LRP1: variants seen among roughly 807,000 people sequenced by gnomAD.
The protein encoded by LRP1 is prolow-density lipoprotein receptor-related protein 1.
In LRP1, 51 loss-of-function variants were observed where a neutral mutation model predicts 541.5. That is an observed-to-expected ratio of 0.09 (90% confidence interval 0.08 to 0.12). The LOEUF (loss-of-function observed/expected upper bound fraction) is 0.12. LRP1 is among the 10% of genes least tolerant of loss of function. The pLI, the probability that LRP1 is intolerant of heterozygous loss-of-function variation, is 1.00. For missense variants in LRP1, 3,878 were observed against 6,376.2 expected (o/e 0.61, Z 13.34); for synonymous variants, 2,219 against 2,470.8 (o/e 0.90, Z 3.02).
At chr12:57,136,899 G>C (rs1402521887) in intron 1 of LRP1, among the ~76,000 whole-genome samples, 1 of 152,096 alleles carries the variant, frequency 6.6e-6, no homozygotes, top group African/African-American at 2.4e-5. Context: ...ATGATACATG[G>C]AAAAAACTGC....
chr12:57,146,605 AG>A (rs1304665854), intron 6 of LRP1: 1 of 152,182 alleles, frequency 6.6e-6, no homozygotes, highest in African/African-American at 2.4e-5. Flanking sequence ...GGTGGCGAGC[AG>A]GGGTTCCTCT....
chr12:57,207,314 TAAATAAATAAAATA>T (rs1056753004), intron 76 of LRP1, among the ~76,000 whole-genome samples: 6 of 124,284 alleles, frequency 4.8e-5, no homozygotes, highest in Admixed American at 2.3e-4. Context: ...AATAAATAAA[TAAATAAATAAAATA>T]AAATAAAATA....
At chr12:57,193,400 C>T in intron 46 of LRP1, 96 bp downstream of exon 46, 1 of 1,538,992 alleles carries the variant, frequency 6.5e-7, no homozygotes, top group East Asian at 2.3e-5. Context: ...CAGGACCCAG[C>T]TTCCTGACCA....
chr12:57,199,110 C>T, intron 60 of LRP1, 102 bp from the exon 61 acceptor site: 1 of 1,060,104 alleles, frequency 9.4e-7, no homozygotes, highest in Non-Finnish European at 1.4e-6. Flanking sequence ...GGGGCTGACA[C>T]CCACCTCTCA....
rs763385476 is a variant in LRP1, at chr12:57,178,328, G to C, written c.4362-31G>C. The C allele has an allele frequency of 1.9e-6, 3 of 1,596,080 alleles. No individual in the cohort carries two copies. Among genetic ancestry groups the C allele is most frequent in the Non-Finnish European group, 2.6e-6 (3 of 1,168,696 alleles). On this transcript the variant is annotated intron_variant, in intron 26 of 88. Transcript: ENST00000243077. The surrounding 1 kb of genome is among the most constrained non-coding windows in gnomAD (Gnocchi z 5.8). ...GCTCTGAGGGCTGAGATCCCAGCTG[G>C]CATCCTCATTCTGCTCCATCATGCT... is the stretch of plus-strand genomic sequence containing the variant.
intron 20 of LRP1, among the ~76,000 whole-genome samples, chr12:57,171,195 G>C (rs1429590375): frequency 6.6e-6 from 1 of 152,198 alleles, no homozygotes; most frequent in Non-Finnish European, 1.5e-5. Flanking sequence ...CCCTGAGCCT[G>C]GGCATCCTCC....
At position 57,154,768 on chromosome 12, in the gene LRP1, A is replaced by G. The variant is rs1195737542; in HGVS notation, c.1227+67A>G. On this transcript the variant is annotated intron_variant, in intron 8 of 88. Coordinates refer to ENST00000243077, the MANE Select transcript of LRP1 (RefSeq NM_002332.3). The surrounding 1 kb of genome is among the most constrained non-coding windows in gnomAD (Gnocchi z 4.6). ...TCCAGGGCCTTCTGGTGAGGGGGGA[A>G]GCCTCTGTAGGGGAACCGTTCTCTG... 1 of 1,417,394 alleles carries G rather than the reference A, an allele frequency of 7.1e-7. No homozygotes were observed. Among genetic ancestry groups the G allele is most frequent in the South Asian group, 1.2e-5 (1 of 81,494 alleles). The allele number at this position is 1,417,394 out of a possible 1,614,324, so 87.8% of individuals were successfully genotyped here.
chr12:57,194,424 C>T lies in LRP1; in HGVS notation c.7989C>T (p.Thr2663=), dbSNP rs1325265183. 1 of 1,532,994 alleles carries T rather than the reference C, an allele frequency of 6.5e-7. No homozygotes were observed. The highest frequency in any genetic ancestry group is 1.3e-5 in the South Asian group (1 of 78,094). 95.0% of individuals were successfully genotyped at this position (1,532,994 alleles called of 1,614,324 possible). The change falls in exon 49 of 89, where the codon ACC becomes ACT. Residue 2663 remains threonine, a synonymous_variant. Coordinates refer to ENST00000243077, the MANE Select transcript of LRP1 (RefSeq NM_002332.3). ...KGVLFQPCER[T]SLCYAPSWVC... is the part of the protein sequence containing the mutation. ...TGCTCTTCCAGCCCTGCGAGCGGAC[C>T]TCACTCTGCTACGCACCCAGCTGGG... is the stretch of plus-strand genomic sequence containing the variant.
intron 22 of LRP1, among the ~76,000 whole-genome samples, chr12:57,174,763 CCAAA>C (rs1431293905): frequency 6.6e-6 from 1 of 152,090 alleles, no homozygotes; most frequent in Admixed American, 6.6e-5. Context: ...AGACCCCATC[CCAAA>C]CAAACAAACA....
chr12:57,191,856 CCACAT>C (rs2036397309), intron 44 of LRP1, among the ~76,000 whole-genome samples: 2 of 9,754 alleles, frequency 2.1e-4, no homozygotes, highest in Non-Finnish European at 2.4e-4. Context: ...ACACCACACA[CCACAT>C]ACACACCACA....
chr12:57,179,708 A>G lies in LRP1; in HGVS notation c.4967-74A>G. On this transcript the variant is annotated intron_variant, in intron 29 of 88. Transcript: ENST00000243077. This position sits in a 1 kb window ranked among gnomAD's most constrained non-coding sequence, Gnocchi z 6.8. ...TGGTTTCCTGATCCCTTTTCTCCAG[A>G]AGGCACACTGGCTCCCCTCCTGACC... The G allele has an allele frequency of 2.7e-6, 4 of 1,482,834 alleles. No homozygotes were observed. The highest frequency in any genetic ancestry group is 3.7e-6 in the Non-Finnish European group (4 of 1,074,458). 91.9% of individuals were successfully genotyped at this position (1,482,834 alleles called of 1,614,324 possible).
chr12:57,204,952 T>G lies in LRP1; in HGVS notation c.11195-157T>G. ...AGGCTCTGGGGGCTGCCTGATGCCT[T>G]AGGTCTTGGAGGTGGGGCTGGGAAC... On this transcript the variant is annotated intron_variant, in intron 72 of 88. Coordinates refer to ENST00000243077, the MANE Select transcript of LRP1 (RefSeq NM_002332.3). The surrounding 1 kb of genome is among the most constrained non-coding windows in gnomAD (Gnocchi z 5.3). 7.5e-7 allele frequency: 1 copy of G among 1,334,028 alleles called. No homozygotes were observed. The highest frequency in any genetic ancestry group is 1.0e-6 in the Non-Finnish European group (1 of 978,166). The allele number at this position is 1,334,028 out of a possible 1,614,324, so 82.6% of individuals were successfully genotyped here.
chr12:57,202,351 C>T (rs929603583), intron 67 of LRP1, 70 bp from the exon 68 acceptor site: 1 of 1,232,756 alleles, frequency 8.1e-7, no homozygotes, highest in Non-Finnish European at 1.2e-6. Flanking sequence ...GCCAGCCTGA[C>T]CATGCCTGCT....
intron 24 of LRP1, 149 bp downstream of exon 24, chr12:57,176,255 T>TCTCCATG: frequency 1.4e-6 from 1 of 709,660 alleles, no homozygotes; most frequent in African/African-American, 1.8e-5. Flanking sequence ...TTGCTGTGGG[T>TCTCCATG]CTCCATGCCT....
chr12:57,199,265 G>A lies in LRP1; in HGVS notation c.9730G>A (p.Val3244Ile), dbSNP rs1387883932. 1.7e-5 allele frequency: 28 copies of A among 1,613,826 alleles called. No homozygotes were observed. Among genetic ancestry groups the A allele is most frequent in the African/African-American group, 5.3e-5 (4 of 74,924 alleles). The change falls in exon 61 of 89, where the codon GTC (valine) becomes ATC (isoleucine). Residue 3244 changes from valine to isoleucine, a missense_variant. This residue lies in a region of LRP1 where 1,100 missense variants were observed against 1,827.4 expected (regional missense o/e 0.60). Transcript: ENST00000243077. ...IFALTLFEDY[V>I]YWTDWETKSI... Reference sequence around the variant, plus strand: ...TGCACTGACCCTGTTTGAGGACTACGTCTACTGGACCGACTGGGAAACAAA... The same window carrying A: ...TGCACTGACCCTGTTTGAGGACTACATCTACTGGACCGACTGGGAAACAAA...
chr12:57,185,211 G>T lies in LRP1; in HGVS notation c.6463+6G>T. ...CAACCGGGACCGGCAGAAAGGTGAG[G>T]CTGGGGCTCTGGGCTGGGGTGGAGA... On this transcript the variant is annotated splice_donor_region_variant and intron_variant, in intron 40 of 88. Transcript: ENST00000243077. The surrounding 1 kb of genome is among the most constrained non-coding windows in gnomAD (Gnocchi z 4.9). The T allele has an allele frequency of 6.2e-7, 1 of 1,614,096 alleles. No individual in the cohort carries two copies. Among genetic ancestry groups the T allele is most frequent in the South Asian group, 1.1e-5 (1 of 91,040 alleles).
At chr12:57,147,592 G>A (rs991858669) in intron 6 of LRP1, 1 of 152,258 alleles carries the variant, frequency 6.6e-6, no homozygotes, top group African/African-American at 2.4e-5. Flanking sequence ...GGACCCCTGG[G>A]GCTGAGCCTC....
rs1168243814 is a variant in LRP1, at chr12:57,205,028, AG to A, written c.11195-80del. The A allele has an allele frequency of 1.3e-6, 2 of 1,521,922 alleles. No homozygotes were observed. The highest frequency in any genetic ancestry group is 1.8e-6 in the Non-Finnish European group (2 of 1,129,878). 94.3% of individuals were successfully genotyped at this position (1,521,922 alleles called of 1,614,324 possible). A position where few individuals can be genotyped will look rare whatever the true frequency, so the allele number is the denominator to read the frequency against. On this transcript the variant is annotated intron_variant, in intron 72 of 88. Coordinates refer to ENST00000243077, the MANE Select transcript of LRP1 (RefSeq NM_002332.3). This position sits in a 1 kb window ranked among gnomAD's most constrained non-coding sequence, Gnocchi z 4.6. ...CAAGCCTTGTCACTTAGGAATTGGGAGCCACTGTTATCTATGGGGTTGCCGT... is the reference window on the plus strand; with the variant it reads ...CAAGCCTTGTCACTTAGGAATTGGGACCACTGTTATCTATGGGGTTGCCGT...
At position 57,192,729 on chromosome 12, in the gene LRP1, C is replaced by T. The variant is rs78461145; in HGVS notation, c.7430-116C>T. On this transcript the variant is annotated intron_variant, in intron 44 of 88. Transcript: ENST00000243077. Reference sequence around the variant, plus strand: ...ACTGGCTGCAAGCCGCTGTGCCTGCCGTGACTGAGCAGAGGCTTGGGAGCT... The same window carrying T: ...ACTGGCTGCAAGCCGCTGTGCCTGCTGTGACTGAGCAGAGGCTTGGGAGCT... 2,219 of 1,427,114 alleles carry T rather than the reference C, an allele frequency of 1.6e-3. 44 individuals are homozygous for T. In the East Asian group the frequency reaches 0.042, roughly 27 times the overall value. 88.4% of individuals were successfully genotyped at this position (1,427,114 alleles called of 1,614,324 possible).
Sources: allele counts gnomAD v4.1 joint callset (sites outside exome capture counted in the v4.1 genomes callset), GRCh38; gene constraint gnomAD v4.1.1; regional missense constraint gnomAD v4.1.1; non-coding constraint Gnocchi (gnomAD v3.1); transcripts MANE v1.5; gene names NCBI Gene and HGNC (gene_info 2026-07-23, HGNC 2026-07-21).